The following HCST variants were observed in gnomAD, a reference collection of about 807,000 sequenced individuals.
The protein encoded by HCST is DNAX-activation protein 10.
HCST carries 12 observed loss-of-function variants against 10.8 expected under a neutral mutation model. The observed-to-expected ratio is 1.12, with a 90% CI of 0.72 to 1.81. The LOEUF is 1.81. HCST is among the 40% of genes most tolerant of loss of function. The pLI, the probability that HCST is intolerant of heterozygous loss-of-function variation, is 0.00. For missense variants in HCST, 102 were observed against 117.9 expected, an observed-to-expected ratio of 0.87 and a Z score of 0.62; for synonymous variants, 59 against 51.6, an observed-to-expected ratio of 1.14 and a Z score of -0.61.
Position 35,902,656 on chromosome 19 carries a change from G to A in HCST, c.43+20G>A. 1 of 1,613,646 alleles carries A rather than the reference G, an allele frequency of 6.2e-7. No homozygotes were observed. Among genetic ancestry groups the A allele is most frequent in the Non-Finnish European group, 8.5e-7 (1 of 1,179,606 alleles). ...TCCCAGGTGAAGCCAGTGGTTACAG[G>A]GGATGGTAGGCAGAGCGTTTGTGAG... On this transcript the variant is annotated intron_variant, in intron 1 of 3. Transcript: ENST00000246551.
intron 2 of HCST, 136 bp downstream of exon 2, chr19:35,903,552 G>C (rs934945941): frequency 9.5e-7 from 1 of 1,052,744 alleles, no homozygotes; most frequent in African/African-American, 1.6e-5. Flanking sequence ...GCGACCCCCA[G>C]CCTGTGTTCA....
Sources: allele counts gnomAD v4.1 joint callset, GRCh38; gene constraint gnomAD v4.1.1; transcripts MANE v1.5; gene names NCBI Gene and HGNC (gene_info 2026-07-23, HGNC 2026-07-21).